The following ZFAND1 variants were observed in gnomAD, a reference collection of about 807,000 sequenced individuals.
ZFAND1 encodes the protein AN1-type zinc finger protein 1.
A neutral mutation model predicts 38.5 loss-of-function variants in ZFAND1; 40 were observed. The observed-to-expected ratio is 1.04, with a 90% confidence interval of 0.81 to 1.35. The LOEUF (loss-of-function observed/expected upper bound fraction) is 1.35, where lower values mean the gene tolerates loss of function less well. ZFAND1 is among the 40% of genes most tolerant of loss of function. The pLI, the probability that ZFAND1 is intolerant of heterozygous loss-of-function variation, is 0.00. For missense variants in ZFAND1, 346 were observed against 316.3 expected (o/e 1.09, Z -0.71); for synonymous variants, 117 against 103.6 (o/e 1.13, Z -0.78).
chr8:81,704,697 C>A (rs1807921955), intron 6 of ZFAND1, among the ~76,000 whole-genome samples: 1 of 152,144 alleles, frequency 6.6e-6, no homozygotes, highest in African/African-American at 2.4e-5. Context: ...GCATCTCTAA[C>A]TTGTGGGGGA....
chr8:81,719,352 C>CACACACACACACACAA (rs1304225834), intron 1 of ZFAND1, among the ~76,000 whole-genome samples: 1 of 149,758 alleles, frequency 6.7e-6, no homozygotes, highest in South Asian at 2.1e-4. Flanking sequence ...CACACACACA[C>CACACACACACACACAA]ACAAATTAGC....
chr8:81,706,622 T>C (rs528217991), intron 6 of ZFAND1, among the ~76,000 whole-genome samples: 79 of 152,052 alleles, frequency 5.2e-4, no homozygotes, highest in African/African-American at 1.8e-3. Context: ...GATATTATAT[T>C]GGAGATTATA....
At chr8:81,718,918 G>T (rs1808389918) in intron 1 of ZFAND1, among the ~76,000 whole-genome samples, 1 of 151,744 alleles carries the variant, frequency 6.6e-6, no homozygotes, top group South Asian at 2.1e-4. Flanking sequence ...TATTGGGTAA[G>T]AAAAATAGAA....
At chr8:81,712,556 C>T (rs1463492840) in intron 6 of ZFAND1, among the ~76,000 whole-genome samples, 2 of 151,946 alleles carry the variant, frequency 1.3e-5, no homozygotes, top group Admixed American at 6.6e-5. Flanking sequence ...ATAACATTAA[C>T]CAACAATAAT....
In ZFAND1 at chr8:81,703,118, T is replaced by C. The variant is rs1021640217; in HGVS notation, c.487A>G (p.Arg163Gly). ...GGTAAGAAAACCTGAAAGTAAATTC[T>C]TTCTGTCTGTAAAAAGAAAAAGTTA... ...DGDKSLPQTE[R>G]IYFQVFLPKG... Residue 163 changes from arginine (R) to glycine (G), a missense_variant, in exon 7 of 8, where the codon AGA becomes GGA. Coordinates refer to ENST00000220669, the MANE Select transcript of ZFAND1 (RefSeq NM_024699.3). 4 of 1,494,264 alleles carry C rather than the reference T, an allele frequency of 2.7e-6. No homozygotes were observed. Among genetic ancestry groups the C allele is most frequent in the Non-Finnish European group, 3.6e-6 (4 of 1,116,790 alleles). The allele number at this position is 1,494,264 out of a possible 1,614,324, so 92.6% of individuals were successfully genotyped here.
At chr8:81,714,758 G>T in intron 5 of ZFAND1, 46 bp downstream of exon 5, 1 of 1,543,308 alleles carries the variant, frequency 6.5e-7, no homozygotes, top group Non-Finnish European at 9.0e-7. Context: ...AGAAGCAGGA[G>T]CTCTGGAACT....
intron 3 of ZFAND1, among the ~76,000 whole-genome samples, 163 bp downstream of exon 3, chr8:81,717,082 TCAAA>T (rs1302667191): frequency 6.6e-6 from 1 of 152,200 alleles, no homozygotes; most frequent in Non-Finnish European, 1.5e-5. Context: ...AATTTTTCTT[TCAAA>T]CAAAGAAAAA....
rs1429226601 is a variant in ZFAND1, at chr8:81,720,924, AACCCGCACCAACCG to A, written c.55+289_55+302del. 3 of 474,214 alleles carry A rather than the reference AACCCGCACCAACCG, an allele frequency of 6.3e-6. 1 individual carries two copies. Among genetic ancestry groups the A allele is most frequent in the East Asian group, 8.3e-5 (2 of 24,112 alleles). The allele number at this position is 474,214 out of a possible 1,614,324, so 29.4% of individuals were successfully genotyped here. On this transcript the variant is annotated intron_variant, in intron 1 of 7. Coordinates refer to ENST00000220669, the MANE Select transcript of ZFAND1 (RefSeq NM_024699.3). Reference sequence around the variant, plus strand: ...ATTTCAAAAGCTCACGGCCAAAAAAAACCCGCACCAACCGATCTCACTGCAGCCCCAGAAGAAAC... The same window carrying A: ...ATTTCAAAAGCTCACGGCCAAAAAAAATCTCACTGCAGCCCCAGAAGAAAC...
At chr8:81,712,124 A>C (rs1192583736) in intron 6 of ZFAND1, among the ~76,000 whole-genome samples, 1 of 152,178 alleles carries the variant, frequency 6.6e-6, no homozygotes, top group Non-Finnish European at 1.5e-5. Flanking sequence ...AAAATTTATT[A>C]CATTGATGAG....
chr8:81,710,556 A>G (rs1284969187), intron 6 of ZFAND1, among the ~76,000 whole-genome samples: 1 of 152,138 alleles, frequency 6.6e-6, no homozygotes, highest in South Asian at 2.1e-4. Context: ...AAAGGATTCA[A>G]TTCACCTACA....
intron 6 of ZFAND1, among the ~76,000 whole-genome samples, chr8:81,704,139 C>G (rs1585918809): frequency 1.3e-5 from 2 of 151,980 alleles, no homozygotes; most frequent in East Asian, 3.9e-4. Flanking sequence ...AAAAGACCTC[C>G]AAACCCCAAG....
rs118061853 is a variant in ZFAND1 at position 81,715,543 on chromosome 8, T to G, written c.139-429A>C. 3.9e-3 allele frequency among the ~76,000 whole-genome samples: 595 copies of G among 152,154 alleles called. 2 individuals carry two copies. Among genetic ancestry groups the G allele is most frequent in the Non-Finnish European group, 6.7e-3 (455 of 67,996 alleles). ...AAAAAATATTTATTTATTTGTGAGATAAAAGGTTAAAGACGGTTTTCATAA... is the reference window on the plus strand; with the variant it reads ...AAAAAATATTTATTTATTTGTGAGAGAAAAGGTTAAAGACGGTTTTCATAA... On this transcript the variant is annotated intron_variant, in intron 3 of 7. Transcript: ENST00000220669.
intron 6 of ZFAND1, among the ~76,000 whole-genome samples, chr8:81,704,464 A>G (rs1018413707): frequency 3.3e-5 from 5 of 151,408 alleles, no homozygotes; most frequent in Admixed American, 1.3e-4. Flanking sequence ...CTTGAGCCCA[A>G]GAAGGTCGAG....
chr8:81,708,696 A>G, intron 6 of ZFAND1: 3 of 941,522 alleles, frequency 3.2e-6, no homozygotes, highest in Non-Finnish European at 3.9e-6. Flanking sequence ...AAAGAATGCT[A>G]ATAGCTACTG....
intron 2 of ZFAND1, 21 bp downstream of exon 2, chr8:81,718,161 C>G (rs749574938): frequency 1.3e-5 from 21 of 1,565,494 alleles, no homozygotes; most frequent in Middle Eastern, 1.7e-4. Context: ...CTCCCAAATC[C>G]TGCATAAAAA....
chr8:81,709,698 C>A (rs1225828207), intron 6 of ZFAND1, among the ~76,000 whole-genome samples: 1 of 152,024 alleles, frequency 6.6e-6, no homozygotes, highest in African/African-American at 2.4e-5. Context: ...TACACACACA[C>A]AAACATTAAT....
intron 3 of ZFAND1, among the ~76,000 whole-genome samples, chr8:81,716,229 A>T (rs1264928287): frequency 6.6e-6 from 1 of 152,252 alleles, no homozygotes; most frequent in Non-Finnish European, 1.5e-5. Flanking sequence ...GTGTTAGAAC[A>T]CATTGAACAT....
intron 6 of ZFAND1, among the ~76,000 whole-genome samples, chr8:81,711,931 AAGAAT>A (rs1360222375): frequency 6.6e-6 from 1 of 151,106 alleles, no homozygotes; most frequent in Non-Finnish European, 1.5e-5. Context: ...AACTACCTCA[AAGAAT>A]AGAAGAGAGA....
intron 1 of ZFAND1, 27 bp downstream of exon 1, chr8:81,721,200 G>A: frequency 6.5e-7 from 1 of 1,546,254 alleles, no homozygotes; most frequent in Non-Finnish European, 8.7e-7. Context: ...CGCGGCCGGG[G>A]ATGGGGGCTG....
Sources: allele counts gnomAD v4.1 joint callset (sites outside exome capture counted in the v4.1 genomes callset), GRCh38; gene constraint gnomAD v4.1.1; transcripts MANE v1.5; gene names NCBI Gene and HGNC (gene_info 2026-07-23, HGNC 2026-07-21).